The following FARS2 variants were observed in gnomAD, a reference collection of about 807,000 sequenced individuals.
FARS2 encodes the protein phenylalanine--tRNA ligase, mitochondrial.
A neutral mutation model predicts 46.4 loss-of-function variants in FARS2; 40 were observed. The ratio of observed to expected loss-of-function variants is 0.86; its 90% CI spans 0.67 to 1.12. The LOEUF (loss-of-function observed/expected upper bound fraction) is 1.12, where lower values mean the gene tolerates loss of function less well. Among genes scored for constraint, FARS2 ranks in the 50% most tolerant of loss-of-function variants. The pLI is 0.00. For synonymous variants in FARS2, 234 were observed against 214.9 expected (o/e 1.09, Z -0.78); for missense variants, 513 against 567.9 (o/e 0.90, Z 0.98).
chr6:5,392,765 CACACAT>C (rs888483413), intron 2 of FARS2, among the ~76,000 whole-genome samples: 12 of 96,382 alleles, frequency 1.2e-4, no homozygotes, highest in South Asian at 7.0e-4. Flanking sequence ...CACACACACA[CACACAT>C]GTATATATAT....
chr6:5,434,392 A>G (rs561292113), intron 4 of FARS2, among the ~76,000 whole-genome samples: 2 of 152,312 alleles, frequency 1.3e-5, no homozygotes, highest in African/African-American at 4.8e-5. Flanking sequence ...GATTACAGGC[A>G]TGAGCCACTG....
In FARS2 at chr6:5,536,775, G is replaced by C. The variant is rs559243003; in HGVS notation, c.905-8405G>C. Among the ~76,000 whole-genome samples, 12 of 152,296 alleles carry C rather than the reference G, an allele frequency of 7.9e-5. No homozygotes were observed. The East Asian group carries it at 1.2e-3, about 15-fold the overall frequency. On this transcript the variant is annotated intron_variant, in intron 4 of 6. Coordinates refer to ENST00000274680, the MANE Select transcript of FARS2 (RefSeq NM_006567.5). Reference sequence around the variant, plus strand: ...AGATAAAAGAGTACTTGTCTTTCCAGGTTTCTCAGGAGAGAATGAGAAAGA... The same window carrying C: ...AGATAAAAGAGTACTTGTCTTTCCACGTTTCTCAGGAGAGAATGAGAAAGA...
chr6:5,359,607 A>G (rs982299725), intron 1 of FARS2, among the ~76,000 whole-genome samples: 5 of 152,234 alleles, frequency 3.3e-5, no homozygotes, highest in Non-Finnish European at 7.3e-5. Context: ...GACAAATGGC[A>G]TACTCATTAA....
At position 5,372,882 on chromosome 6, in the gene FARS2, TAA is replaced by T. The variant is rs535183509; in HGVS notation, c.612+3701_612+3702del. Among the ~76,000 whole-genome samples, 4 of 152,232 alleles carry T rather than the reference TAA, an allele frequency of 2.6e-5. No homozygotes were observed. In the South Asian group the frequency reaches 8.3e-4, roughly 32 times the overall value. On this transcript the variant is annotated intron_variant, in intron 2 of 6. Coordinates refer to ENST00000274680, the MANE Select transcript of FARS2 (RefSeq NM_006567.5). The stretch of plus-strand genomic sequence containing the variant: ...AAATTGAAAATGGAAATCATCAAAT[TAA>T]GTGTTCAATTTATGATGCTAAAAAT...
At chr6:5,711,022 C>G (rs1187251822) in intron 6 of FARS2, among the ~76,000 whole-genome samples, 1 of 152,124 alleles carries the variant, frequency 6.6e-6, no homozygotes, top group Non-Finnish European at 1.5e-5. Flanking sequence ...GATTCTAGGA[C>G]TGGGCCAGGA....
chr6:5,452,241 G>T (rs1401492794), intron 4 of FARS2: 2 of 151,458 alleles, frequency 1.3e-5, no homozygotes, highest in Non-Finnish European at 2.9e-5. Context: ...TAGGAGTTGA[G>T]AATGGATCAG....
At chr6:5,702,024 G>A (rs1174725323) in intron 6 of FARS2, among the ~76,000 whole-genome samples, 1 of 152,112 alleles carries the variant, frequency 6.6e-6, no homozygotes, top group East Asian at 1.9e-4. Context: ...AATTTATGTT[G>A]GCTATTTTTT....
chr6:5,550,494 G>T (rs560917771), intron 5 of FARS2, among the ~76,000 whole-genome samples: 2 of 152,106 alleles, frequency 1.3e-5, no homozygotes, highest in Admixed American at 1.3e-4. Context: ...TTCAACTCCT[G>T]GGCTCAAGCA....
intron 2 of FARS2, among the ~76,000 whole-genome samples, chr6:5,381,009 TA>T (rs1168857742): frequency 3.2e-5 from 4 of 126,156 alleles, no homozygotes; most frequent in Non-Finnish European, 5.5e-5. Flanking sequence ...TTTATTTATT[TA>T]TTTATTATGA....
At chr6:5,256,444 C>T (rs541394424), upstream of FARS2, among the ~76,000 whole-genome samples, 14 of 120,202 alleles carry the variant, frequency 1.2e-4, 1 homozygote, top group African/African-American at 2.6e-4. Flanking sequence ...GAGCCAAGAT[C>T]GCACCATTGC....
At chr6:5,521,835 C>G (rs73356378) in intron 4 of FARS2, among the ~76,000 whole-genome samples, 17,225 of 152,216 alleles carry the variant, frequency 0.11, 1,029 homozygotes, top group Admixed American at 0.16. Flanking sequence ...TGTTGAAGAA[C>G]ATTATCTTCT....
chr6:5,285,515 G>A (rs1220498768), intron 1 of FARS2, among the ~76,000 whole-genome samples: 1 of 152,170 alleles, frequency 6.6e-6, no homozygotes. Flanking sequence ...AAGCGTGTAG[G>A]AGGACACGGA....
chr6:5,769,007 A>C (rs76363880), intron 6 of FARS2, among the ~76,000 whole-genome samples: 1 of 152,012 alleles, frequency 6.6e-6, no homozygotes, highest in Non-Finnish European at 1.5e-5. Flanking sequence ...CATTTTTTTT[A>C]ATTTTTTCAC....
intron 6 of FARS2, among the ~76,000 whole-genome samples, chr6:5,767,845 G>A (rs1762832442): frequency 6.6e-6 from 1 of 152,174 alleles, no homozygotes; most frequent in Non-Finnish European, 1.5e-5. Flanking sequence ...AAAGGGTTTG[G>A]GCTAAAAGAG....
At chr6:5,450,392 G>A (rs1764417366) in intron 4 of FARS2, among the ~76,000 whole-genome samples, 1 of 151,918 alleles carries the variant, frequency 6.6e-6, no homozygotes, top group Non-Finnish European at 1.5e-5. Flanking sequence ...GGCTGCAGGG[G>A]CAAACTAGTT....
At chr6:5,547,671 A>T (rs1035879690) in intron 5 of FARS2, among the ~76,000 whole-genome samples, 8 of 152,208 alleles carry the variant, frequency 5.3e-5, no homozygotes, top group Non-Finnish European at 8.8e-5. Flanking sequence ...ATTATGAAGG[A>T]GAATTGGCTG....
chr6:5,262,521 C>T (rs191742028), intron 1 of FARS2, among the ~76,000 whole-genome samples: 4 of 152,258 alleles, frequency 2.6e-5, no homozygotes, highest in African/African-American at 7.2e-5. Context: ...TCAGGCAATC[C>T]GCCCGCCTCG....
intron 6 of FARS2, among the ~76,000 whole-genome samples, chr6:5,684,698 TAAA>T (rs1757053623): frequency 1.3e-5 from 2 of 152,196 alleles, no homozygotes; most frequent in Non-Finnish European, 2.9e-5. Flanking sequence ...ACCTGTCACC[TAAA>T]GGAGACATCT....
chr6:5,546,626 A>G (rs868343575), intron 5 of FARS2, among the ~76,000 whole-genome samples: 1 of 151,746 alleles, frequency 6.6e-6, no homozygotes, highest in Non-Finnish European at 1.5e-5. Flanking sequence ...AGACCATTTG[A>G]TCCTATGCCA....
Sources: gnomAD v4.1 joint callset for allele counts (sites outside exome capture counted in the v4.1 genomes callset) on GRCh38, gnomAD v4.1.1 for gene constraint, MANE v1.5 for transcripts, NCBI Gene and HGNC (gene_info 2026-07-23, HGNC 2026-07-21) for gene names.